Variants in GPR158 observed in about 807,000 individuals in gnomAD.
GPR158 encodes metabotropic glycine receptor.
Under a neutral mutation model 78.2 loss-of-function variants are expected in GPR158, and 30 were observed. The ratio of observed to expected loss-of-function variants is 0.38; its 90% confidence interval spans 0.29 to 0.52. GPR158 has a LOEUF of 0.52. Among genes scored for constraint, GPR158 ranks in the 20% least tolerant of loss-of-function variants. GPR158 has a pLI of 0.83. For missense variants in GPR158, 1,463 were observed against 1,523.5 expected (o/e 0.96, Z 0.66); for synonymous variants, 581 against 591.1 (o/e 0.98, Z 0.25).
chr10:25,304,386 ACCC>A (rs1225805177), intron 2 of GPR158, among the ~76,000 whole-genome samples: 1 of 151,862 alleles, frequency 6.6e-6, no homozygotes, highest in Non-Finnish European at 1.5e-5. Context: ...AAGATATGTT[ACCC>A]CTTTTATAAC....
At chr10:25,241,375 T>TCTTCG (rs2130708568) in intron 2 of GPR158, among the ~76,000 whole-genome samples, 1 of 97,306 alleles carries the variant, frequency 1.0e-5, no homozygotes, top group African/African-American at 4.6e-5. Context: ...TTCTTTTCTC[T>TCTTCG]CTTCTCTTCT....
intron 5 of GPR158, among the ~76,000 whole-genome samples, chr10:25,468,829 C>G (rs1268096715): frequency 6.6e-6 from 1 of 152,220 alleles, no homozygotes; most frequent in Non-Finnish European, 1.5e-5. Context: ...AACTTGATTT[C>G]TCCTTTCAAG....
Position 25,187,459 on chromosome 10 carries a change from G to A in GPR158, c.902+11137G>A, listed in dbSNP as rs562985502. ...ATGATCAAGTGGGCTTCATCCCTGG[G>A]ATGCAAGGCTAGTTCAACATACACA... is the stretch of plus-strand genomic sequence containing the variant. On this transcript the variant is annotated intron_variant, in intron 1 of 10. Transcript: ENST00000376351. 5.3e-3 allele frequency among the ~76,000 whole-genome samples: 814 copies of A among 152,246 alleles called. 8 individuals carry two copies. The highest frequency in any genetic ancestry group is 0.028 in the South Asian group (135 of 4,820).
At chr10:25,200,860 T>C (rs1024714081) in intron 1 of GPR158, among the ~76,000 whole-genome samples, 10 of 138,282 alleles carry the variant, frequency 7.2e-5, no homozygotes, top group African/African-American at 2.3e-4. Flanking sequence ...GTATCTGTTT[T>C]TTGTTTTGTT....
At chr10:25,326,909 C>G (rs1458440235) in intron 2 of GPR158, among the ~76,000 whole-genome samples, 1 of 151,974 alleles carries the variant, frequency 6.6e-6, no homozygotes, top group South Asian at 2.1e-4. Flanking sequence ...TATGATGGTG[C>G]AAAAGTGATT....
chr10:25,294,991 G>C (rs1854491627), intron 2 of GPR158, among the ~76,000 whole-genome samples: 1 of 152,188 alleles, frequency 6.6e-6, no homozygotes, highest in African/African-American at 2.4e-5. Flanking sequence ...TTCAATACTT[G>C]AAAAGAAGAG....
chr10:25,309,117 T>A (rs1854725651), intron 2 of GPR158, among the ~76,000 whole-genome samples: 1 of 152,178 alleles, frequency 6.6e-6, no homozygotes, highest in South Asian at 2.1e-4. Flanking sequence ...TTTAGGCTTT[T>A]GAGGAGCTGC....
At chr10:25,297,330 AG>A in intron 2 of GPR158, among the ~76,000 whole-genome samples, 1 of 152,240 alleles carries the variant, frequency 6.6e-6, no homozygotes, top group African/African-American at 2.4e-5. Context: ...GTATGACATC[AG>A]TCATACAAGG....
chr10:25,520,666 G>A lies in GPR158; in HGVS notation c.1405-30310G>A, dbSNP rs1477003098. Among the ~76,000 whole-genome samples, 9 of 151,794 alleles carry A rather than the reference G, an allele frequency of 5.9e-5. No individual in the cohort carries two copies. In the East Asian group the frequency reaches 1.7e-3, roughly 29 times the overall value. On this transcript the variant is annotated intron_variant, in intron 5 of 10. Coordinates refer to ENST00000376351, the MANE Select transcript of GPR158 (RefSeq NM_020752.3). ...TGTCAGTGTGCCCCTGCTGGGGGGTGCCTCCCAGTTAGGCTGCTCGGGGGT... is the reference window on the plus strand; with the variant it reads ...TGTCAGTGTGCCCCTGCTGGGGGGTACCTCCCAGTTAGGCTGCTCGGGGGT...
At chr10:25,337,758 A>G (rs1263642426) in intron 2 of GPR158, among the ~76,000 whole-genome samples, 3 of 152,036 alleles carry the variant, frequency 2.0e-5, no homozygotes, top group Admixed American at 2.0e-4. Context: ...TCTAACAGCC[A>G]TATATGAATG....
Position 25,175,284 on chromosome 10 carries a change from C to A in GPR158, c.-137C>A. ...GCCAATCTCGAAACATTCTTATTTT[C>A]AAGTCCTTTGGACTGGGTGCCATCT... On this transcript the variant is annotated 5_prime_UTR_variant, in exon 1 of 11. Transcript: ENST00000376351. This position sits in a 1 kb window ranked among gnomAD's most constrained non-coding sequence, Gnocchi z 6.4. 1 of 580,310 alleles carries A rather than the reference C, an allele frequency of 1.7e-6. No homozygotes were observed. The highest frequency in any genetic ancestry group is 3.0e-6 in the Non-Finnish European group (1 of 328,152). The allele number at this position is 580,310 out of a possible 1,614,324, so 35.9% of individuals were successfully genotyped here.
chr10:25,362,225 A>G (rs1855650668), intron 2 of GPR158, among the ~76,000 whole-genome samples: 1 of 151,876 alleles, frequency 6.6e-6, no homozygotes, highest in African/African-American at 2.4e-5. Context: ...TCCTTCCTCC[A>G]TGTTGTGGTC....
At chr10:25,442,903 A>G (rs1835087489) in intron 4 of GPR158, among the ~76,000 whole-genome samples, 1 of 152,118 alleles carries the variant, frequency 6.6e-6, no homozygotes. Flanking sequence ...ACAGCCAGAA[A>G]CATGTTTTCT....
intron 5 of GPR158, among the ~76,000 whole-genome samples, chr10:25,472,315 G>A (rs1178532492): frequency 2.6e-5 from 4 of 151,854 alleles, no homozygotes; most frequent in African/African-American, 9.7e-5. Context: ...CTGTTCCATT[G>A]GTCTATATCT....
chr10:25,467,702 G>A (rs1835444260), intron 5 of GPR158, among the ~76,000 whole-genome samples: 1 of 152,148 alleles, frequency 6.6e-6, no homozygotes, highest in Non-Finnish European at 1.5e-5. Context: ...CAAGAGAAGA[G>A]TGGGCTGGTC....
chr10:25,575,491 A>G (rs1306398837), intron 7 of GPR158, among the ~76,000 whole-genome samples: 1 of 152,134 alleles, frequency 6.6e-6, no homozygotes, highest in Admixed American at 6.5e-5. Flanking sequence ...AGATTCTCAG[A>G]GCTCACTCTG....
At chr10:25,383,453 C>T (rs1834183855) in intron 2 of GPR158, among the ~76,000 whole-genome samples, 1 of 152,110 alleles carries the variant, frequency 6.6e-6, no homozygotes, top group African/African-American at 2.4e-5. Context: ...CCTTTGTTTC[C>T]ACTGCAGAGA....
chr10:25,440,390 C>T (rs1835052786), intron 4 of GPR158, among the ~76,000 whole-genome samples: 1 of 152,204 alleles, frequency 6.6e-6, no homozygotes. Context: ...GGCCACTCAA[C>T]ACCCCCATTG....
chr10:25,510,373 T>C (rs1836069040), intron 5 of GPR158, among the ~76,000 whole-genome samples: 1 of 152,214 alleles, frequency 6.6e-6, no homozygotes, highest in South Asian at 2.1e-4. Context: ...TATAGGAGCT[T>C]CACATTTTAA....
Sources: allele counts gnomAD v4.1 joint callset (sites outside exome capture counted in the v4.1 genomes callset), GRCh38; gene constraint gnomAD v4.1.1; non-coding constraint Gnocchi (gnomAD v3.1); transcripts MANE v1.5; gene names NCBI Gene and HGNC (gene_info 2026-07-23, HGNC 2026-07-21).